TNS1: variants seen among roughly 807,000 people sequenced by gnomAD.
TNS1 encodes the protein tensin 1.
A neutral mutation model predicts 168.6 loss-of-function variants in TNS1; 62 were observed. The ratio of observed to expected loss-of-function variants is 0.37; its 90% confidence interval spans 0.30 to 0.45. The LOEUF (loss-of-function observed/expected upper bound fraction) is 0.45, where lower values mean the gene tolerates loss of function less well. Ranked by LOEUF, TNS1 falls within the 20% of genes least tolerant of loss-of-function variation. The probability of loss-of-function intolerance (pLI) is 1.00; values close to 1 mark genes in which losing one functional copy is unlikely to be tolerated. For missense variants in TNS1, 2,240 were observed against 2,339.4 expected (o/e 0.96, Z 0.88); for synonymous variants, 934 against 933.2 (o/e 1.00, Z -0.02).
At chr2:218,007,566 TG>T (rs71064407), upstream of TNS1, among the ~76,000 whole-genome samples, 19,017 of 75,018 alleles carry the variant, frequency 0.25, 2,313 homozygotes, top group East Asian at 0.54. Flanking sequence ...GCTCGGGGGG[TG>T]GGGGGGGGGG....
At chr2:217,898,614 C>T (rs1575001306) in intron 7 of TNS1, among the ~76,000 whole-genome samples, 1 of 152,244 alleles carries the variant, frequency 6.6e-6, no homozygotes, top group South Asian at 2.1e-4. Context: ...TTCTCCCCAC[C>T]TCTGGCAGCT....
At chr2:217,849,165 G>A (rs1238737826) in intron 18 of TNS1, 78 bp from the exon 19 acceptor site, 1 of 1,509,548 alleles carries the variant, frequency 6.6e-7, no homozygotes, top group Non-Finnish European at 8.9e-7. Flanking sequence ...CACTCTGCCA[G>A]AGAAAGAAGC....
At chr2:217,812,576 AG>A in intron 27 of TNS1, 131 bp from the exon 28 acceptor site, 1 of 679,368 alleles carries the variant, frequency 1.5e-6, no homozygotes, top group Non-Finnish European at 2.5e-6. Flanking sequence ...CCACCACCAA[AG>A]CTGAAAATTC....
At position 217,802,771 on chromosome 2, in the gene TNS1, T is replaced by C. The variant is rs1559124904; in HGVS notation, c.*1688A>G. On this transcript the variant is annotated 3_prime_UTR_variant, in exon 33 of 33. Transcript: ENST00000682258. The stretch of plus-strand genomic sequence containing the variant: ...AAAAACAATAAATACTTCTTGTCAA[T>C]TTACCTATTCTTTTTTTAACCTTTT... 6.5e-6 allele frequency: 1 copy of C among 152,678 alleles called. No homozygotes were observed. Among genetic ancestry groups the C allele is most frequent in the Non-Finnish European group, 1.5e-5 (1 of 68,042 alleles). The allele number at this position is 152,678 out of a possible 1,614,324, so 9.5% of individuals were successfully genotyped here. A position where few individuals can be genotyped will look rare whatever the true frequency, so the allele number is the denominator to read the frequency against.
chr2:218,004,257 G>A (rs907789494), upstream of TNS1, among the ~76,000 whole-genome samples: 5 of 152,200 alleles, frequency 3.3e-5, no homozygotes, highest in East Asian at 5.8e-4. Context: ...TGGAGACCTC[G>A]TTCCTAGACT....
At chr2:217,913,262 A>G (rs531597998) in intron 4 of TNS1, among the ~76,000 whole-genome samples, 1 of 152,268 alleles carries the variant, frequency 6.6e-6, no homozygotes, top group African/African-American at 2.4e-5. Flanking sequence ...GGGGAGAGTT[A>G]TGTCTGATTT....
chr2:218,022,201 T>G (rs1574483417), intron 1 of TNS1, among the ~76,000 whole-genome samples: 1 of 149,422 alleles, frequency 6.7e-6, no homozygotes. Context: ...GACAGAGGAG[T>G]AGGCAGGGAG....
At chr2:217,912,580 C>T (rs1206847659) in intron 4 of TNS1, among the ~76,000 whole-genome samples, 3 of 152,176 alleles carry the variant, frequency 2.0e-5, no homozygotes, top group Non-Finnish European at 4.4e-5. Context: ...GCTGGAATGG[C>T]CTCAGACCCA....
rs141417657 is a variant in TNS1 at position 217,895,034 on chromosome 2, C to A, written c.566G>T (p.Arg189Ile). Residue 189 changes from arginine (R) to isoleucine (I), a missense_variant, in exon 9 of 33, where the codon AGA becomes ATA. Transcript: ENST00000682258. ...NYLLFNLSER[R>I]PDITKLHAKV... ...GGCATGGAGCTTCGTGATGTCAGGT[C>A]TCCGCTCAGAGAGGTTGAACAGCTA... 82 of 1,612,542 alleles carry A rather than the reference C, an allele frequency of 5.1e-5. No individual in the cohort carries two copies. The highest frequency in any genetic ancestry group is 6.6e-5 in the Non-Finnish European group (78 of 1,179,484).
At chr2:217,909,095 C>T (rs528280862) in intron 4 of TNS1, among the ~76,000 whole-genome samples, 17 of 150,504 alleles carry the variant, frequency 1.1e-4, no homozygotes, top group African/African-American at 3.7e-4. Context: ...GACCACCCCC[C>T]ACACCCCCTC....
intron 28 of TNS1, among the ~76,000 whole-genome samples, chr2:217,811,789 A>C (rs1268356605): frequency 6.6e-6 from 1 of 152,146 alleles, no homozygotes; most frequent in Non-Finnish European, 1.5e-5. Context: ...TCAAATTCTC[A>C]TCCTGCATGT....
intron 8 of TNS1, among the ~76,000 whole-genome samples, chr2:217,897,463 G>A (rs563686241): frequency 6.6e-6 from 1 of 152,338 alleles, no homozygotes; most frequent in African/African-American, 2.4e-5. Context: ...CAAAGGTTAA[G>A]TGCGTGGAAA....
At chr2:217,831,737 T>C (rs987276077) in intron 21 of TNS1, among the ~76,000 whole-genome samples, 190 bp from the exon 22 acceptor site, 1 of 152,112 alleles carries the variant, frequency 6.6e-6, no homozygotes, top group Non-Finnish European at 1.5e-5. Flanking sequence ...TTGAACAGTT[T>C]AAAGGATAAA....
chr2:218,031,438 C>G (rs988538320), intron 1 of TNS1, among the ~76,000 whole-genome samples: 7 of 110,780 alleles, frequency 6.3e-5, no homozygotes, highest in Non-Finnish European at 9.4e-5. Flanking sequence ...TGTGTGTGTG[C>G]ATGTGTGTAT....
chr2:218,017,886 G>A (rs1352750953), intron 1 of TNS1, among the ~76,000 whole-genome samples: 4 of 152,114 alleles, frequency 2.6e-5, no homozygotes, highest in Non-Finnish European at 2.9e-5. Flanking sequence ...GACGCTCCCC[G>A]CCAGAGCCCT....
At chr2:217,965,220 A>C (rs528268172) in intron 3 of TNS1, among the ~76,000 whole-genome samples, 63 of 152,202 alleles carry the variant, frequency 4.1e-4, no homozygotes, top group Non-Finnish European at 7.8e-4. Flanking sequence ...TCTCAGAAGA[A>C]TAGAACAAGA....
Position 217,893,547 on chromosome 2 carries a change from G to C in TNS1, c.609C>G (p.Gly203=). 1 of 1,611,254 alleles carries C rather than the reference G, an allele frequency of 6.2e-7. No homozygotes were observed. Among genetic ancestry groups the C allele is most frequent in the Admixed American group, 1.7e-5 (1 of 59,790 alleles). ...TKLHAKVLEF[G]WPDLHTPALE... is the part of the protein sequence containing the mutation. The stretch of plus-strand genomic sequence containing the variant: ...GGGCTGGGGTGTGGAGGTCGGGCCA[G>C]CCAAATTCCAGTACCTGTGGCCCAA... The change falls in exon 10 of 33, where the codon GGC becomes GGG. Residue 203 remains glycine (G), a synonymous_variant. Coordinates refer to ENST00000682258, the MANE Select transcript of TNS1 (RefSeq NM_001387777.1).
upstream of TNS1, among the ~76,000 whole-genome samples, chr2:218,015,154 T>G (rs1267958040): frequency 6.6e-6 from 1 of 152,094 alleles, no homozygotes; most frequent in Non-Finnish European, 1.5e-5. Flanking sequence ...CTGATTCCGG[T>G]TAAACTTGAA....
chr2:217,830,983 C>T (rs1027603138), intron 22 of TNS1, among the ~76,000 whole-genome samples: 10 of 152,198 alleles, frequency 6.6e-5, no homozygotes, highest in Admixed American at 3.9e-4. Flanking sequence ...AGGTGAATGC[C>T]TGTGATGCTT....
Sources: allele counts gnomAD v4.1 joint callset (sites outside exome capture counted in the v4.1 genomes callset), GRCh38; gene constraint gnomAD v4.1.1; transcripts MANE v1.5; gene names NCBI Gene and HGNC (gene_info 2026-07-23, HGNC 2026-07-21).